The following GOSR2 variants were observed in gnomAD, a reference collection of about 807,000 sequenced individuals.
The protein encoded by GOSR2 is golgi SNAP receptor complex member 2.
GOSR2 carries 20 observed loss-of-function variants against 27.9 expected under a neutral mutation model. The observed-to-expected ratio is 0.72, with a 90% CI of 0.50 to 1.04. The LOEUF is 1.04. GOSR2 is among the 50% of genes least tolerant of loss of function. The probability of loss-of-function intolerance (pLI) is 0.00; values close to 1 mark genes in which losing one functional copy is unlikely to be tolerated. For missense variants in GOSR2, 261 were observed against 270.5 expected, an observed-to-expected ratio of 0.97 and a Z score of 0.25; for synonymous variants, 91 against 98.8, an observed-to-expected ratio of 0.92 and a Z score of 0.47.
intron 6 of GOSR2, among the ~76,000 whole-genome samples, chr17:46,961,707 C>A (rs546172094): frequency 6.6e-6 from 1 of 151,800 alleles, no homozygotes. Context: ...TAAAATATAA[C>A]GACATAGAAA....
intron 6 of GOSR2, chr17:46,966,513 A>C: frequency 4.4e-6 from 3 of 686,532 alleles, no homozygotes; most frequent in Non-Finnish European, 8.0e-6. Context: ...ACACCCGATT[A>C]ATTTTTTGTA....
At chr17:46,925,456 A>G (rs1028381368) in intron 1 of GOSR2, among the ~76,000 whole-genome samples, 2 of 152,138 alleles carry the variant, frequency 1.3e-5, no homozygotes, top group South Asian at 2.1e-4. Context: ...TATCTTGTCT[A>G]TCTTTCCTCT....
At chr17:46,937,807 A>G (rs1371293971) in intron 5 of GOSR2, 1 of 152,292 alleles carries the variant, frequency 6.6e-6, no homozygotes, top group Non-Finnish European at 1.5e-5. Flanking sequence ...CCATTGGTAC[A>G]GGTTTACCAT....
At position 46,938,804 on chromosome 17, in the gene GOSR2, A is replaced by AGTGT. The variant is rs571009629; in HGVS notation, c.*56_*59dup. 4.4e-6 allele frequency: 7 copies of AGTGT among 1,593,626 alleles called. No homozygotes were observed. The highest frequency in any genetic ancestry group is 1.9e-4 in the Middle Eastern group (1 of 5,216). Reference sequence around the variant, plus strand: ...CTGAACAGCATTCCCACAGCCTGCAAGTGTGTGTGTGTGTGAAAGAGAGAG... The same window carrying AGTGT: ...CTGAACAGCATTCCCACAGCCTGCAAGTGTGTGTGTGTGTGTGTGAAAGAGAGAG... On this transcript the variant is annotated 3_prime_UTR_variant, in exon 6 of 6. Transcript: ENST00000640051.
chr17:46,929,368 G>C, intron 1 of GOSR2, 152 bp from the exon 2 acceptor site: 1 of 683,938 alleles, frequency 1.5e-6, no homozygotes, highest in Non-Finnish European at 2.7e-6. Context: ...ATGCCAAAAC[G>C]TGGGACCTAA....
chr17:46,962,254 G>A (rs914391911), intron 6 of GOSR2, among the ~76,000 whole-genome samples: 3 of 152,016 alleles, frequency 2.0e-5, no homozygotes, highest in African/African-American at 4.8e-5. Flanking sequence ...ATTTGAACCC[G>A]GGAGGTGGAG....
At chr17:46,950,010 G>A (rs2090210667) in intron 6 of GOSR2, among the ~76,000 whole-genome samples, 1 of 152,246 alleles carries the variant, frequency 6.6e-6, no homozygotes, top group African/African-American at 2.4e-5. Flanking sequence ...ATTGAAATTG[G>A]AGTGAGCAGT....
chr17:46,929,880 G>A, intron 2 of GOSR2: 1 of 315,244 alleles, frequency 3.2e-6, no homozygotes, highest in Admixed American at 4.5e-5. Flanking sequence ...TTAGAGGAAT[G>A]TACTCCATAA....
At chr17:46,931,961 A>G in intron 3 of GOSR2, 106 bp from the exon 4 acceptor site, 1 of 926,174 alleles carries the variant, frequency 1.1e-6, no homozygotes, top group Non-Finnish European at 1.8e-6. Flanking sequence ...GGGGTGGTGT[A>G]GGGAGAAGTA....
At chr17:46,966,580 C>T (rs773871905) in exon 7 of GOSR2, 23 of 693,182 alleles carry the variant, frequency 3.3e-5, no homozygotes, top group Non-Finnish European at 6.1e-5. Flanking sequence ...AACTCCTGAG[C>T]TCAAGAGATC....
chr17:46,938,777 G>A lies in GOSR2; in HGVS notation c.*17G>A, dbSNP rs914681617. On this transcript the variant is annotated 3_prime_UTR_variant, in exon 6 of 6. Transcript: ENST00000640051. ...CTGACATGAGCCAGCCACGCTCAGT[G>A]GCTGAACAGCATTCCCACAGCCTGC... 4 of 1,613,714 alleles carry A rather than the reference G, an allele frequency of 2.5e-6. No individual in the cohort carries two copies. Among genetic ancestry groups the A allele is most frequent in the Non-Finnish European group, 3.4e-6 (4 of 1,179,992 alleles).
rs368549324 is a variant in GOSR2, at chr17:46,940,817, C to T, written c.*2057C>T. ...GTGGTTTTTGGGTCTTTACCACCTG[C>T]GGCTGGTGGACAGCAGCCAGTGTGT... is the stretch of plus-strand genomic sequence containing the variant. On this transcript the variant is annotated 3_prime_UTR_variant, in exon 6 of 6. Coordinates refer to ENST00000640051, the MANE Select transcript of GOSR2 (RefSeq NM_004287.5). 439 of 1,469,728 alleles carry T rather than the reference C, an allele frequency of 3.0e-4. 2 individuals are homozygous for T. In the African/African-American group the frequency reaches 5.0e-3, roughly 17 times the overall value. 91.0% of individuals were successfully genotyped at this position (1,469,728 alleles called of 1,614,324 possible). A position where few individuals can be genotyped will look rare whatever the true frequency, so the allele number is the denominator to read the frequency against.
intron 6 of GOSR2, among the ~76,000 whole-genome samples, chr17:46,974,501 G>A (rs571259793): frequency 9.9e-5 from 15 of 152,282 alleles, no homozygotes; most frequent in Middle Eastern, 6.8e-3. Context: ...TTGGGAGGCC[G>A]AGGCGGGTGG....
At chr17:46,958,378 G>A (rs1599211640) in intron 6 of GOSR2, among the ~76,000 whole-genome samples, 1 of 152,244 alleles carries the variant, frequency 6.6e-6, no homozygotes, top group South Asian at 2.1e-4. Flanking sequence ...GCAACAGCGG[G>A]AGCTAGCAAA....
At chr17:46,945,797 A>G (rs1268715946), downstream of GOSR2, among the ~76,000 whole-genome samples, 1 of 152,164 alleles carries the variant, frequency 6.6e-6, no homozygotes, top group Non-Finnish European at 1.5e-5. Context: ...GGAGGGGAGA[A>G]TAATCACTGC....
chr17:46,965,960 G>A (rs974460522), intron 6 of GOSR2, among the ~76,000 whole-genome samples: 2 of 152,056 alleles, frequency 1.3e-5, no homozygotes, highest in African/African-American at 4.8e-5. Flanking sequence ...ATGTCCTGCT[G>A]TTTATAATGA....
downstream of GOSR2, among the ~76,000 whole-genome samples, chr17:46,946,983 C>T (rs2089958857): frequency 6.6e-6 from 1 of 152,212 alleles, no homozygotes; most frequent in Non-Finnish European, 1.5e-5. Flanking sequence ...CAACTGACTG[C>T]TGCCCCTGGG....
intron 6 of GOSR2, chr17:46,964,129 C>A (rs1300286955): frequency 6.6e-6 from 1 of 152,184 alleles, no homozygotes; most frequent in Non-Finnish European, 1.5e-5. Context: ...TTCCCCATAT[C>A]CAAGGCAAGC....
intron 1 of GOSR2, chr17:46,923,800 CT>C (rs1165940304): frequency 2.5e-6 from 1 of 403,692 alleles, no homozygotes; most frequent in African/African-American, 2.1e-5. Context: ...TTTCTCATAA[CT>C]TAAATTCCTT....
Sources: gnomAD v4.1 joint callset for allele counts (sites outside exome capture counted in the v4.1 genomes callset) on GRCh38, gnomAD v4.1.1 for gene constraint, MANE v1.5 for transcripts, NCBI Gene and HGNC (gene_info 2026-07-23, HGNC 2026-07-21) for gene names.